Variants in CLIC4 observed in about 807,000 individuals in gnomAD.
CLIC4 encodes the protein chloride intracellular channel protein 4.
A neutral mutation model predicts 24.6 loss-of-function variants in CLIC4; 13 were observed. The observed-to-expected ratio is 0.53, with a 90% CI of 0.34 to 0.84. CLIC4 has a LOEUF of 0.84. Ranked by LOEUF, CLIC4 falls within the 40% of genes least tolerant of loss-of-function variation. The pLI is 0.01. For synonymous variants in CLIC4, 104 were observed against 111.3 expected (o/e 0.93, Z 0.41); for missense variants, 227 against 301.7 (o/e 0.75, Z 1.83).
intron 1 of CLIC4, among the ~76,000 whole-genome samples, chr1:24,772,691 G>A (rs1479666570): frequency 1.3e-5 from 2 of 152,110 alleles, no homozygotes. Flanking sequence ...TCACCATCTT[G>A]GCCAGGCTGG....
chr1:24,748,048 G>T (rs1490822782), intron 1 of CLIC4, among the ~76,000 whole-genome samples: 2 of 151,290 alleles, frequency 1.3e-5, no homozygotes, highest in African/African-American at 2.4e-5. Context: ...AAAAGATAAA[G>T]CTATTATCAG....
chr1:24,772,640 C>T lies in CLIC4; in HGVS notation c.73-25102C>T, dbSNP rs564585942. Among the ~76,000 whole-genome samples, 83 of 152,250 alleles carry T rather than the reference C, an allele frequency of 5.5e-4. No homozygotes were observed. In the Middle Eastern group the frequency reaches 0.031, roughly 56 times the overall value. ...AGCTGGAATTACAGGTGCCCGCCAC[C>T]GTGTCCAGCTAATTTTTGTATTATT... is the stretch of plus-strand genomic sequence containing the variant. On this transcript the variant is annotated intron_variant, in intron 1 of 5. Transcript: ENST00000374379.
At chr1:24,791,575 A>G (rs1639335189) in intron 1 of CLIC4, among the ~76,000 whole-genome samples, 1 of 151,872 alleles carries the variant, frequency 6.6e-6, no homozygotes, top group African/African-American at 2.4e-5. Flanking sequence ...CCCTGTCTCT[A>G]ATAAAAATAC....
chr1:24,829,850 A>G (rs1639822989), intron 4 of CLIC4, among the ~76,000 whole-genome samples: 1 of 152,224 alleles, frequency 6.6e-6, no homozygotes, highest in African/African-American at 2.4e-5. Context: ...GTTGTGCATT[A>G]TTGTAGCAGT....
chr1:24,827,988 A>G (rs1166494883), intron 4 of CLIC4, among the ~76,000 whole-genome samples: 1 of 152,206 alleles, frequency 6.6e-6, no homozygotes, highest in Non-Finnish European at 1.5e-5. Context: ...AATATTTATC[A>G]TAGTTCCAGA....
At chr1:24,823,774 C>CAA (rs10627275) in intron 3 of CLIC4, among the ~76,000 whole-genome samples, 70,546 of 108,154 alleles carry the variant, frequency 0.65, 22,052 homozygotes, top group Non-Finnish European at 0.72. Flanking sequence ...AACTCTGTCT[C>CAA]AAAAAAAAAA....
Position 24,814,157 on chromosome 1 carries a change from T to C in CLIC4, c.246T>C (p.Ser82=). Residue 82 remains serine (S), a synonymous_variant, in exon 3 of 6, where the codon AGT becomes AGC. Coordinates refer to ENST00000374379, the MANE Select transcript of CLIC4 (RefSeq NM_013943.3). ...GTHPPFITFN[S]EVKTDVNKIE... ...ACCCACCATTTATAACTTTCAACAG[T>C]GAAGTCAAAACGGATGTAAATAAGA... is the stretch of plus-strand genomic sequence containing the variant. 6.2e-7 allele frequency: 1 copy of C among 1,614,114 alleles called. No individual in the cohort carries two copies. Among genetic ancestry groups the C allele is most frequent in the East Asian group, 2.2e-5 (1 of 44,890 alleles).
intron 5 of CLIC4, 118 bp downstream of exon 5, chr1:24,840,159 GCTGTTTAGGCAATAGTT>G (rs1639928010): frequency 3.3e-6 from 3 of 907,006 alleles, no homozygotes; most frequent in Non-Finnish European, 5.0e-6. Flanking sequence ...TTAACTCAAT[GCTGTTTAGGCAATAGTT>G]GAAGCACCCT....
At chr1:24,778,729 G>T (rs1179152926) in intron 1 of CLIC4, among the ~76,000 whole-genome samples, 1 of 152,158 alleles carries the variant, frequency 6.6e-6, no homozygotes, top group Non-Finnish European at 1.5e-5. Context: ...TTAGGCTTTT[G>T]ATAAGTAAAT....
intron 1 of CLIC4, among the ~76,000 whole-genome samples, chr1:24,756,511 C>T (rs775326158): frequency 6.6e-6 from 1 of 152,166 alleles, no homozygotes; most frequent in African/African-American, 2.4e-5. Flanking sequence ...TTACTTCCAA[C>T]TTACATGTGA....
chr1:24,788,881 TAAAC>T (rs1639302828), intron 1 of CLIC4, among the ~76,000 whole-genome samples: 1 of 152,196 alleles, frequency 6.6e-6, no homozygotes, highest in Non-Finnish European at 1.5e-5. Flanking sequence ...AGGGGCAGCC[TAAAC>T]AAGACCACAA....
At position 24,839,898 on chromosome 1, in the gene CLIC4, G is replaced by A. The variant is rs1249964851; in HGVS notation, c.454G>A (p.Asp152Asn). 1 of 1,612,380 alleles carries A rather than the reference G, an allele frequency of 6.2e-7. No homozygotes were observed. Residue 152 changes from aspartate to asparagine, a missense_variant, in exon 5 of 6, where the codon GAT becomes AAT. Asp to Asn is a conservative substitution (Grantham distance 23, BLOSUM62 1). Transcript: ENST00000374379. ...TCTCCTGAAAACCCTGCAGAAACTG[G>A]ATGAATATCTGAATTCTCCTCTCCC... ...RGLLKTLQKL[D>N]EYLNSPLPDE...
chr1:24,826,649 A>G lies in CLIC4; in HGVS notation c.309-361A>G, dbSNP rs1397759975. Among the ~76,000 whole-genome samples, 11 of 152,358 alleles carry G rather than the reference A, an allele frequency of 7.2e-5. No homozygotes were observed. In the South Asian group the frequency reaches 1.2e-3, roughly 17 times the overall value. ...AATGAAGATAGAGAACATTTCCATC[A>G]TCACAGAAAGTTCTCTTGGACAGCA... On this transcript the variant is annotated intron_variant, in intron 3 of 5. Coordinates refer to ENST00000374379, the MANE Select transcript of CLIC4 (RefSeq NM_013943.3).
chr1:24,805,289 C>G (rs1392389191), intron 2 of CLIC4, among the ~76,000 whole-genome samples: 1 of 151,888 alleles, frequency 6.6e-6, no homozygotes, highest in Non-Finnish European at 1.5e-5. Flanking sequence ...AAGACAAATT[C>G]TTAGTGACAA....
chr1:24,807,569 G>A (rs778502533), intron 2 of CLIC4, among the ~76,000 whole-genome samples: 4 of 152,096 alleles, frequency 2.6e-5, no homozygotes, highest in Non-Finnish European at 5.9e-5. Context: ...AGAGTCACCG[G>A]GTGAGTGGTT....
chr1:24,774,624 C>A (rs1160008005), intron 1 of CLIC4, among the ~76,000 whole-genome samples: 1 of 151,956 alleles, frequency 6.6e-6, no homozygotes, highest in East Asian at 1.9e-4. Context: ...GAGACCCTGT[C>A]TCTACAAAAA....
Position 24,843,497 on chromosome 1 carries a change from T to C in CLIC4, c.*2560T>C, listed in dbSNP as rs1428440573. The C allele has an allele frequency of 6.6e-6, 1 of 152,220 alleles. No homozygotes were observed. The highest frequency in any genetic ancestry group is 1.9e-4 in the East Asian group (1 of 5,202). 9.4% of individuals were successfully genotyped at this position (152,220 alleles called of 1,614,324 possible). ...GATTGGAGTCTGAATGGATCTGTTT[T>C]CCAAGAGATTCTGAGAAATTTTTGT... On this transcript the variant is annotated 3_prime_UTR_variant, in exon 6 of 6. Transcript: ENST00000374379.
intron 3 of CLIC4, among the ~76,000 whole-genome samples, chr1:24,823,731 G>A (rs1003313552): frequency 7.3e-6 from 1 of 136,276 alleles, no homozygotes; most frequent in African/African-American, 2.7e-5. Flanking sequence ...CGGAGATTGC[G>A]CCACTGTACT....
intron 1 of CLIC4, among the ~76,000 whole-genome samples, chr1:24,752,356 G>T (rs775624088): frequency 1.5e-4 from 23 of 152,152 alleles, no homozygotes; most frequent in Non-Finnish European, 2.5e-4. Flanking sequence ...CAGTCCAGGA[G>T]AATGTCTTAG....
Sources: allele counts gnomAD v4.1 joint callset (sites outside exome capture counted in the v4.1 genomes callset), GRCh38; gene constraint gnomAD v4.1.1; transcripts MANE v1.5; gene names NCBI Gene and HGNC (gene_info 2026-07-23, HGNC 2026-07-21).